CD80: variants seen among roughly 807,000 people sequenced by gnomAD.
The protein encoded by CD80 is T-lymphocyte activation antigen CD80.
Under a neutral mutation model 27.1 loss-of-function variants are expected in CD80, and 13 were observed. That is an observed-to-expected ratio of 0.48 (90% CI 0.31 to 0.76). The LOEUF is 0.76. Among genes scored for constraint, CD80 ranks in the 30% least tolerant of loss-of-function variants. CD80 has a pLI of 0.04. For synonymous variants in CD80, 125 were observed against 125.5 expected, an observed-to-expected ratio of 1.00 and a Z score of 0.03; for missense variants, 277 against 347.9, an observed-to-expected ratio of 0.80 and a Z score of 1.62.
intron 2 of CD80, among the ~76,000 whole-genome samples, chr3:119,548,258 A>C (rs966910089): frequency 6.6e-6 from 1 of 152,208 alleles, no homozygotes; most frequent in Non-Finnish European, 1.5e-5. Context: ...CTGGGATTAC[A>C]AGTGTGAGCC....
intron 3 of CD80, among the ~76,000 whole-genome samples, chr3:119,537,666 G>T (rs2082146627): frequency 6.6e-6 from 1 of 152,084 alleles, no homozygotes; most frequent in South Asian, 2.1e-4. Context: ...ACCAGGCGTG[G>T]TGGCAGGCGC....
At chr3:119,535,809 A>C (rs1474097524) in intron 4 of CD80, among the ~76,000 whole-genome samples, 4 of 152,338 alleles carry the variant, frequency 2.6e-5, no homozygotes, top group African/African-American at 9.6e-5. Context: ...TGTGGGTGGC[A>C]TGCCCTAAAA....
At chr3:119,546,409 C>G (rs1427185910) in intron 2 of CD80, among the ~76,000 whole-genome samples, 2 of 152,122 alleles carry the variant, frequency 1.3e-5, no homozygotes, top group Non-Finnish European at 2.9e-5. Context: ...CCCAACAACC[C>G]CACAAGATAT....
In CD80 at chr3:119,557,733, T is replaced by G; in HGVS notation, c.-5A>C. On this transcript the variant is annotated 5_prime_UTR_variant, in exon 2 of 7. Transcript: ENST00000264246. ...CTGCCTCCGTGTGTGGCCCATGGCT[T>G]CAGATGCTTAGGGTCAAAAGTGAAA... 6.2e-7 allele frequency: 1 copy of G among 1,607,832 alleles called. No individual in the cohort carries two copies. Among genetic ancestry groups the G allele is most frequent in the Non-Finnish European group, 8.5e-7 (1 of 1,176,182 alleles).
At chr3:119,550,852 T>C (rs542724245) in intron 2 of CD80, among the ~76,000 whole-genome samples, 29 of 152,118 alleles carry the variant, frequency 1.9e-4, no homozygotes, top group Admixed American at 2.0e-4. Flanking sequence ...ACAGTTCAGG[T>C]CCCACTTTGC....
chr3:119,556,074 G>C (rs1485332), intron 2 of CD80, among the ~76,000 whole-genome samples: 39,532 of 151,936 alleles, frequency 0.26, 5,608 homozygotes, highest in African/African-American at 0.37. Context: ...TTGCATTTCC[G>C]CAACTAACAT....
At position 119,544,656 on chromosome 3, in the gene CD80, C is replaced by T. The variant is rs1342926472; in HGVS notation, c.312G>A (p.Leu104=). Residue 104 remains leucine, a synonymous_variant, in exon 3 of 7, where the codon CTG becomes CTA. Coordinates refer to ENST00000264246, the MANE Select transcript of CD80 (RefSeq NM_005191.4). ...DITNNLSIVI[L]ALRPSDEGTY... is the part of the protein sequence containing the mutation. ...TGCCCTCGTCAGATGGGCGCAGAGC[C>T]AGGATCACAATGGAGAGGTTATTAG... The T allele has an allele frequency of 6.2e-7, 1 of 1,614,194 alleles. No homozygotes were observed. Among genetic ancestry groups the T allele is most frequent in the African/African-American group, 1.3e-5 (1 of 75,048 alleles).
intron 1 of CD80, among the ~76,000 whole-genome samples, chr3:119,558,646 C>T (rs549821650): frequency 6.6e-6 from 1 of 151,902 alleles, no homozygotes; most frequent in African/African-American, 2.4e-5. Flanking sequence ...GCCTGTAATC[C>T]CAGCCACTTG....
intron 2 of CD80, among the ~76,000 whole-genome samples, chr3:119,547,373 G>T (rs1384137283): frequency 6.6e-6 from 1 of 152,164 alleles, no homozygotes; most frequent in Non-Finnish European, 1.5e-5. Context: ...CAACCTCTAA[G>T]GCTTTTGATT....
chr3:119,535,456 T>G (rs1365446286), intron 4 of CD80, among the ~76,000 whole-genome samples: 2 of 152,140 alleles, frequency 1.3e-5, no homozygotes, highest in Non-Finnish European at 2.9e-5. Context: ...AGACCTGTGG[T>G]CCTCTGTATG....
intron 3 of CD80, among the ~76,000 whole-genome samples, chr3:119,543,991 C>T (rs1391751769): frequency 1.3e-5 from 2 of 150,004 alleles, no homozygotes; most frequent in Non-Finnish European, 3.0e-5. Flanking sequence ...CAGGTTCAAG[C>T]GATTCTCTGC....
Position 119,537,313 on chromosome 3 carries a change from CA to C in CD80, c.523del (p.Trp175GlyfsTer8). 1.9e-6 allele frequency: 3 copies of C among 1,614,010 alleles called. No homozygotes were observed. The highest frequency in any genetic ancestry group is 2.5e-6 in the Non-Finnish European group (3 of 1,179,950). On this transcript the variant is annotated frameshift_variant, in exon 4 of 7. Coordinates refer to ENST00000264246, the MANE Select transcript of CD80 (RefSeq NM_005191.4). LOFTEE classifies it high-confidence loss of function. Reference protein sequence around the residue: ...SGGFPEPHLSWLENGEELNAI... With the variant: ...SGGFPEPHLSXLENGEELNAI... ...ATTTAATTCTTCTCCATTTTCCAAC[CA>C]GGAGAGGTGAGGCTCTGGAAAACCT...
chr3:119,535,625 T>G (rs1473014078), intron 4 of CD80, among the ~76,000 whole-genome samples: 2 of 152,170 alleles, frequency 1.3e-5, no homozygotes, highest in African/African-American at 4.8e-5. Context: ...GGAAAGAGAA[T>G]TCTCTGAGTT....
At chr3:119,540,521 A>G (rs1429627696) in intron 3 of CD80, among the ~76,000 whole-genome samples, 1 of 152,100 alleles carries the variant, frequency 6.6e-6, no homozygotes, top group East Asian at 1.9e-4. Context: ...TTTAGTTGGC[A>G]TTGTTATTTC....
Position 119,547,776 on chromosome 3 carries a change from T to TAC in CD80, c.101-2911_101-2910dup, listed in dbSNP as rs574209151. Among the ~76,000 whole-genome samples the TAC allele has an allele frequency of 3.3e-4, 51 of 152,324 alleles. No homozygotes were observed. In the East Asian group the frequency reaches 9.8e-3, roughly 29 times the overall value. ...GAATTCAATATATTAGCAGCCACCTTACACCTTTGATATAACTATTGATAT... is the reference window on the plus strand; with the variant it reads ...GAATTCAATATATTAGCAGCCACCTTACACACCTTTGATATAACTATTGATAT... On this transcript the variant is annotated intron_variant, in intron 2 of 6. Coordinates refer to ENST00000264246, the MANE Select transcript of CD80 (RefSeq NM_005191.4).
chr3:119,539,737 A>G (rs1331711700), intron 3 of CD80, among the ~76,000 whole-genome samples: 1 of 152,174 alleles, frequency 6.6e-6, no homozygotes, highest in Non-Finnish European at 1.5e-5. Flanking sequence ...TAGGGATTCA[A>G]TCTCCTCATA....
At chr3:119,553,131 ATTTAT>A (rs2082243620) in intron 2 of CD80, among the ~76,000 whole-genome samples, 1 of 146,276 alleles carries the variant, frequency 6.8e-6, no homozygotes, top group Non-Finnish European at 1.5e-5. Context: ...TTATTTATTT[ATTTAT>A]TTATTTATTT....
chr3:119,544,525 A>G, intron 3 of CD80, 25 bp downstream of exon 3: 1 of 1,602,394 alleles, frequency 6.2e-7, no homozygotes, highest in Non-Finnish European at 8.5e-7. Context: ...GCCGGCCTAG[A>G]GTAAAATCAG....
chr3:119,527,549 C>T (rs1303301500), intron 6 of CD80, 184 bp downstream of exon 6: 4 of 498,814 alleles, frequency 8.0e-6, no homozygotes, highest in East Asian at 3.1e-5. Flanking sequence ...GAAGAGGTTA[C>T]ATTAAGCAAA....
Sources: gnomAD v4.1 joint callset for allele counts (sites outside exome capture counted in the v4.1 genomes callset) on GRCh38, gnomAD v4.1.1 for gene constraint, MANE v1.5 for transcripts, NCBI Gene and HGNC (gene_info 2026-07-23, HGNC 2026-07-21) for gene names.